STRBP: variants seen among roughly 807,000 people sequenced by gnomAD.
STRBP encodes the protein spermatid perinuclear RNA binding protein.
In STRBP, 13 loss-of-function variants were observed where a neutral mutation model predicts 80.1. The ratio of observed to expected loss-of-function variants is 0.16; its 90% confidence interval spans 0.11 to 0.26. The LOEUF is 0.26. STRBP is among the 10% of genes least tolerant of loss of function. The pLI is 1.00. For synonymous variants in STRBP, 284 were observed against 291.2 expected, an observed-to-expected ratio of 0.98 and a Z score of 0.25; for missense variants, 485 against 815.2, an observed-to-expected ratio of 0.59 and a Z score of 4.93.
intron 12 of STRBP, 78 bp downstream of exon 12, chr9:123,147,697 AAAC>A: frequency 1.0e-5 from 12 of 1,144,500 alleles, no homozygotes; most frequent in South Asian, 3.1e-5. Context: ...AAAAAAAAAA[AAAC>A]CCTTCACTTT....
chr9:123,136,152 G>A lies in STRBP; in HGVS notation c.1662C>T (p.Gly554=), dbSNP rs141839908. The change falls in exon 16 of 19, where the codon GGC becomes GGT. Residue 554 remains glycine (G), a synonymous_variant. Transcript: ENST00000348403. This position sits in a 1 kb window ranked among gnomAD's most constrained non-coding sequence, Gnocchi z 4.2. The part of the protein sequence containing the change: ...EVEVDGQKFR[G]AGPNKKVAKA... Reference sequence around the variant, plus strand: ...TTGCCACTTTCTTATTTGGACCTGCGCCTCTGAATTTCTGTCCATCTACTT... The same window carrying A: ...TTGCCACTTTCTTATTTGGACCTGCACCTCTGAATTTCTGTCCATCTACTT... 30 of 1,613,982 alleles carry A rather than the reference G, an allele frequency of 1.9e-5. No homozygotes were observed. The highest frequency in any genetic ancestry group is 3.3e-5 in the South Asian group (3 of 91,076).
intron 2 of STRBP, among the ~76,000 whole-genome samples, chr9:123,217,969 T>C (rs559889691): frequency 1.3e-5 from 2 of 152,378 alleles, no homozygotes; most frequent in East Asian, 3.9e-4. Context: ...CAGTTTTTTA[T>C]TCTTTATAGT....
Position 123,169,889 on chromosome 9 carries a change from T to A in STRBP, c.535+13A>T. 7.1e-7 allele frequency: 1 copy of A among 1,402,896 alleles called. No homozygotes were observed. Among genetic ancestry groups the A allele is most frequent in the Non-Finnish European group, 9.4e-7 (1 of 1,061,386 alleles). The allele number at this position is 1,402,896 out of a possible 1,614,324, so 86.9% of individuals were successfully genotyped here. ...AAATATATACATATATATATATATA[T>A]ATACATGTGTACCTCCATCCTTCTT... On this transcript the variant is annotated intron_variant, in intron 6 of 18. Coordinates refer to ENST00000348403, the MANE Select transcript of STRBP (RefSeq NM_018387.5).
rs1322106115 is a variant in STRBP, at chr9:123,159,202, T to C, written c.729A>G (p.Leu243=). The C allele has an allele frequency of 1.2e-6, 2 of 1,609,954 alleles. No homozygotes were observed. The highest frequency in any genetic ancestry group is 1.7e-6 in the Non-Finnish European group (2 of 1,176,522). The change falls in exon 9 of 19, where the codon CTA becomes CTG. Residue 243 remains leucine (L), a synonymous_variant. Coordinates refer to ENST00000348403, the MANE Select transcript of STRBP (RefSeq NM_018387.5). ...CTATAGACTTTTCACATATAAGTTC[T>C]AGTGGCTAGAAGATATTAAATTACA... ...PTWAPLKGWP[L]ELICEKSIGT... is the part of the protein sequence containing the mutation.
intron 2 of STRBP, among the ~76,000 whole-genome samples, chr9:123,215,596 C>A (rs1564308432): frequency 6.6e-6 from 1 of 152,056 alleles, no homozygotes; most frequent in Non-Finnish European, 1.5e-5. Context: ...ACCAGCCTGG[C>A]CAACATGGTG....
At chr9:123,259,041 T>C (rs1323573951) in intron 1 of STRBP, among the ~76,000 whole-genome samples, 14 of 118,948 alleles carry the variant, frequency 1.2e-4, no homozygotes, top group South Asian at 5.6e-4. Flanking sequence ...GTATTAAGAA[T>C]AGACTATAAG....
At chr9:123,125,895 G>GGCTA (rs1265235834) in intron 18 of STRBP, among the ~76,000 whole-genome samples, 1 of 152,176 alleles carries the variant, frequency 6.6e-6, no homozygotes, top group Non-Finnish European at 1.5e-5. Flanking sequence ...AAATCAGGAT[G>GGCTA]GCTACATCTA....
chr9:123,135,925 G>A, intron 16 of STRBP, 116 bp downstream of exon 16: 2 of 1,380,652 alleles, frequency 1.4e-6, no homozygotes, highest in Non-Finnish European at 2.0e-6. Flanking sequence ...AGGTCACCAA[G>A]TCCAAGAAAA....
At chr9:123,132,621 A>G (rs1349978813) in intron 17 of STRBP, among the ~76,000 whole-genome samples, 1 of 152,092 alleles carries the variant, frequency 6.6e-6, no homozygotes, top group East Asian at 1.9e-4. Context: ...ACCAAATGCA[A>G]TTTGCTCATC....
intron 9 of STRBP, among the ~76,000 whole-genome samples, chr9:123,158,839 C>T (rs985873461): frequency 3.9e-5 from 6 of 152,070 alleles, no homozygotes; most frequent in South Asian, 2.1e-4. Context: ...ATTCAGAGTT[C>T]GAGGTAAAGC....
chr9:123,139,173 GC>G (rs938606645), intron 14 of STRBP, among the ~76,000 whole-genome samples: 2 of 152,034 alleles, frequency 1.3e-5, no homozygotes, highest in Non-Finnish European at 2.9e-5. Context: ...GTAGTTTTCT[GC>G]CCATCAGTTA....
rs1432314708 is a variant in STRBP, at chr9:123,179,083, C to T, written c.148G>A (p.Asp50Asn). 2 of 1,614,076 alleles carry T rather than the reference C, an allele frequency of 1.2e-6. No homozygotes were observed. Among genetic ancestry groups the T allele is most frequent in the Admixed American group, 1.7e-5 (1 of 60,006 alleles). The change falls in exon 4 of 19, where the codon GAT becomes AAT. Residue 50 changes from aspartate to asparagine, a missense_variant. This residue lies in a region of STRBP where 377 missense variants were observed against 616.1 expected (regional missense o/e 0.61). Coordinates refer to ENST00000348403, the MANE Select transcript of STRBP (RefSeq NM_018387.5). ...CALKHVSDWL[D>N]ETNKGTKTEG... ...GTTTTTGTGCCTTTATTTGTTTCAT[C>T]CAACCAATCTGAGACATGTTTAAGA... is the stretch of plus-strand genomic sequence containing the variant.
chr9:123,258,871 T>C (rs933552734), intron 1 of STRBP, among the ~76,000 whole-genome samples: 15 of 138,534 alleles, frequency 1.1e-4, no homozygotes, highest in Admixed American at 1.1e-3. Context: ...AAAAGAAGAG[T>C]AAGAGATGAT....
In STRBP at chr9:123,202,915, C is replaced by T. The variant is rs144995970; in HGVS notation, c.-164-18617G>A. ...AAATCTGATGACTTTTAACCACGTCCACCATAACCAACCTGGTCAGAGCAA... is the reference window on the plus strand; with the variant it reads ...AAATCTGATGACTTTTAACCACGTCTACCATAACCAACCTGGTCAGAGCAA... On this transcript the variant is annotated intron_variant, in intron 2 of 18. Coordinates refer to ENST00000348403, the MANE Select transcript of STRBP (RefSeq NM_018387.5). 2.9e-3 allele frequency among the ~76,000 whole-genome samples: 437 copies of T among 152,096 alleles called. 2 individuals carry two copies. Among genetic ancestry groups the T allele is most frequent in the Non-Finnish European group, 4.8e-3 (329 of 67,958 alleles).
intron 17 of STRBP, among the ~76,000 whole-genome samples, chr9:123,132,368 T>C (rs941477975): frequency 2.6e-5 from 4 of 152,156 alleles, no homozygotes; most frequent in African/African-American, 9.7e-5. Context: ...ATATCTAGTA[T>C]ATATAGTAAG....
chr9:123,254,286 C>T (rs573365294), intron 1 of STRBP, among the ~76,000 whole-genome samples: 2 of 151,768 alleles, frequency 1.3e-5, no homozygotes, highest in Non-Finnish European at 2.9e-5. Flanking sequence ...ACAGTAAAAC[C>T]CCATCTCTAC....
At chr9:123,165,597 A>C (rs1282605408) in intron 6 of STRBP, among the ~76,000 whole-genome samples, 12 of 152,200 alleles carry the variant, frequency 7.9e-5, no homozygotes, top group Admixed American at 7.2e-4. Flanking sequence ...AAACTGCATT[A>C]TAAATAAGCA....
At chr9:123,161,874 G>A (rs1425124608) in intron 6 of STRBP, among the ~76,000 whole-genome samples, 5 of 152,230 alleles carry the variant, frequency 3.3e-5, no homozygotes, top group Non-Finnish European at 5.9e-5. Flanking sequence ...AGTTTAGACA[G>A]CCAAATTTAT....
chr9:123,189,518 TA>T (rs1422607234), intron 2 of STRBP, among the ~76,000 whole-genome samples: 22 of 150,648 alleles, frequency 1.5e-4, no homozygotes, highest in African/African-American at 7.3e-5. Flanking sequence ...TATGCAGCCA[TA>T]AAAAAGGATA....
Sources: gnomAD v4.1 joint callset for allele counts (sites outside exome capture counted in the v4.1 genomes callset) on GRCh38, gnomAD v4.1.1 for gene constraint, gnomAD v4.1.1 regional missense constraint, Gnocchi (gnomAD v3.1) non-coding constraint, MANE v1.5 for transcripts, NCBI Gene and HGNC (gene_info 2026-07-23, HGNC 2026-07-21) for gene names.